Variants in ANKS1B observed in about 807,000 individuals in gnomAD.
The protein encoded by ANKS1B is ankyrin repeat and sterile alpha motif domain containing 1B.
Under a neutral mutation model 148.3 loss-of-function variants are expected in ANKS1B, and 36 were observed. That is an observed-to-expected ratio of 0.24 (90% CI 0.19 to 0.32). The LOEUF (loss-of-function observed/expected upper bound fraction) is 0.32, where lower values mean the gene tolerates loss of function less well. ANKS1B is among the 10% of genes least tolerant of loss of function. The pLI, the probability that ANKS1B is intolerant of heterozygous loss-of-function variation, is 1.00. For missense variants in ANKS1B, 1,157 were observed against 1,542.6 expected (o/e 0.75, Z 4.19); for synonymous variants, 542 against 560.8 (o/e 0.97, Z 0.47).
chr12:99,909,479 T>C (rs1238506931), intron 1 of ANKS1B, among the ~76,000 whole-genome samples: 1 of 152,154 alleles, frequency 6.6e-6, no homozygotes, highest in Non-Finnish European at 1.5e-5. Context: ...TCCACTCAGT[T>C]TTCCATAGTG....
In ANKS1B at chr12:99,343,587, A is replaced by G. The variant is rs140672221; in HGVS notation, c.1756+56044T>C. On this transcript the variant is annotated intron_variant, in intron 12 of 26. Transcript: ENST00000683438. ...CATCTACAACCTTTTCCTCTCAACT[A>G]AATCTTTACTCTCACCATATAACCA... Among the ~76,000 whole-genome samples, 196 of 152,054 alleles carry G rather than the reference A, an allele frequency of 1.3e-3. 3 individuals carry two copies. In the South Asian group the frequency reaches 0.021, roughly 16 times the overall value.
At chr12:99,511,197 T>A (rs2096762500) in intron 9 of ANKS1B, among the ~76,000 whole-genome samples, 2 of 151,966 alleles carry the variant, frequency 1.3e-5, no homozygotes, top group South Asian at 4.1e-4. Context: ...GTATGTTCCT[T>A]CAAAACCTAG....
chr12:99,234,447 G>T (rs1463009436), intron 14 of ANKS1B, among the ~76,000 whole-genome samples: 1 of 152,026 alleles, frequency 6.6e-6, no homozygotes, highest in African/African-American at 2.4e-5. Context: ...AACAATTCCT[G>T]GGAATACAGT....
intron 17 of ANKS1B, among the ~76,000 whole-genome samples, chr12:98,977,949 T>C (rs1008916925): frequency 2.0e-5 from 3 of 152,058 alleles, no homozygotes; most frequent in Non-Finnish European, 2.9e-5. Context: ...ACTATGGAAT[T>C]TGGGATATTT....
At chr12:99,264,365 G>A (rs1036691002) in intron 12 of ANKS1B, among the ~76,000 whole-genome samples, 1 of 151,718 alleles carries the variant, frequency 6.6e-6, no homozygotes, top group Admixed American at 6.6e-5. Context: ...CATTTCTTCT[G>A]TCTATTAAAT....
At chr12:99,886,873 G>A in intron 1 of ANKS1B, among the ~76,000 whole-genome samples, 1 of 152,166 alleles carries the variant, frequency 6.6e-6, no homozygotes, top group East Asian at 1.9e-4. Context: ...TGTCAAAAAT[G>A]TTACAGATGT....
chr12:99,640,120 C>T (rs2098286979), intron 9 of ANKS1B, among the ~76,000 whole-genome samples: 1 of 152,020 alleles, frequency 6.6e-6, no homozygotes, highest in African/African-American at 2.4e-5. Context: ...TGCAGTGAGC[C>T]AAGATTGTGC....
chr12:99,854,777 A>C (rs1329542872), intron 1 of ANKS1B, among the ~76,000 whole-genome samples: 1 of 152,178 alleles, frequency 6.6e-6, no homozygotes, highest in East Asian at 1.9e-4. Flanking sequence ...ACAGCCAAGA[A>C]TTTTGCATCC....
chr12:99,627,179 C>G (rs1463764306), intron 9 of ANKS1B, among the ~76,000 whole-genome samples: 7 of 152,046 alleles, frequency 4.6e-5, no homozygotes, highest in Admixed American at 2.6e-4. Flanking sequence ...TAAAATAGAA[C>G]TATTTATTGA....
intron 1 of ANKS1B, among the ~76,000 whole-genome samples, chr12:99,941,214 G>A (rs962657661): frequency 5.9e-5 from 9 of 152,040 alleles, no homozygotes; most frequent in African/African-American, 2.2e-4. Flanking sequence ...GATCACTTAA[G>A]GTGAAATGAC....
intron 9 of ANKS1B, among the ~76,000 whole-genome samples, chr12:99,609,071 A>G (rs2097876508): frequency 6.6e-6 from 1 of 152,078 alleles, no homozygotes; most frequent in African/African-American, 2.4e-5. Context: ...AGTAAACAGA[A>G]AAACAGAATA....
chr12:99,579,216 TTAAA>T (rs1344862771), intron 9 of ANKS1B, among the ~76,000 whole-genome samples: 25 of 152,130 alleles, frequency 1.6e-4, no homozygotes, highest in Admixed American at 1.3e-4. Context: ...GATTAAACAC[TTAAA>T]TATAAGACTT....
In ANKS1B at chr12:98,745,200, C is replaced by T; in HGVS notation, c.*539G>A. 1 of 985,712 alleles carries T rather than the reference C, an allele frequency of 1.0e-6. No individual in the cohort carries two copies. Among genetic ancestry groups the T allele is most frequent in the African/African-American group, 1.7e-5 (1 of 57,318 alleles). The allele number at this position is 985,712 out of a possible 1,614,324, so 61.1% of individuals were successfully genotyped here. Reference sequence around the variant, plus strand: ...AAATATAGAAATGGGGAAACAGAATCTCCTGGCAATCATATCACGGGAGTT... The same window carrying T: ...AAATATAGAAATGGGGAAACAGAATTTCCTGGCAATCATATCACGGGAGTT... On this transcript the variant is annotated 3_prime_UTR_variant, in exon 27 of 27. Transcript: ENST00000683438.
intron 12 of ANKS1B, among the ~76,000 whole-genome samples, chr12:99,326,897 T>C (rs2466566): frequency 0.38 from 55,916 of 148,370 alleles, 13,022 homozygotes; most frequent in Admixed American, 0.49. Context: ...TTTATGTATA[T>C]TTGATGCAGA....
At chr12:99,708,699 T>A (rs1198820026) in intron 8 of ANKS1B, among the ~76,000 whole-genome samples, 1 of 152,132 alleles carries the variant, frequency 6.6e-6, no homozygotes, top group African/African-American at 2.4e-5. Flanking sequence ...ACCTCCCTCT[T>A]ATAAGGACAG....
chr12:98,819,245 G>A (rs1386540872), intron 19 of ANKS1B, among the ~76,000 whole-genome samples: 8 of 152,326 alleles, frequency 5.3e-5, no homozygotes, highest in Admixed American at 6.5e-5. Flanking sequence ...GAAAGGAGGC[G>A]TAGCTATTGA....
intron 17 of ANKS1B, among the ~76,000 whole-genome samples, chr12:98,943,147 T>G (rs1306277198): frequency 6.6e-6 from 1 of 152,238 alleles, no homozygotes; most frequent in East Asian, 1.9e-4. Context: ...AGTACACTGC[T>G]ATTTCTTGAA....
intron 1 of ANKS1B, among the ~76,000 whole-genome samples, chr12:99,865,101 C>T (rs941785626): frequency 1.3e-5 from 2 of 152,188 alleles, no homozygotes; most frequent in Admixed American, 1.3e-4. Flanking sequence ...TATTGGTGTC[C>T]TACACATGCA....
rs992302522 is a variant in ANKS1B at position 99,917,331 on chromosome 12, T to G, written c.134+66773A>C. 3.3e-5 allele frequency among the ~76,000 whole-genome samples: 5 copies of G among 152,216 alleles called. No individual in the cohort carries two copies. In the East Asian group the frequency reaches 9.6e-4, roughly 29 times the overall value. ...CCCATCCAATGAATGTCAGCCAATCTTTGTCCTCAGCCATCACAATGGTTG... is the reference window on the plus strand; with the variant it reads ...CCCATCCAATGAATGTCAGCCAATCGTTGTCCTCAGCCATCACAATGGTTG... On this transcript the variant is annotated intron_variant, in intron 1 of 26. Transcript: ENST00000683438.
Sources: gnomAD v4.1 joint callset for allele counts (sites outside exome capture counted in the v4.1 genomes callset) on GRCh38, gnomAD v4.1.1 for gene constraint, MANE v1.5 for transcripts, NCBI Gene and HGNC (gene_info 2026-07-23, HGNC 2026-07-21) for gene names.